Variants in PRICKLE1 observed in about 807,000 individuals in gnomAD.
The protein encoded by PRICKLE1 is prickle planar cell polarity protein 1, also known as prickle-like protein 1.
Under a neutral mutation model 70.2 loss-of-function variants are expected in PRICKLE1, and 14 were observed. That is an observed-to-expected ratio of 0.20 (90% CI 0.13 to 0.31). The LOEUF (loss-of-function observed/expected upper bound fraction) is 0.31, where lower values mean the gene tolerates loss of function less well. Among genes scored for constraint, PRICKLE1 ranks in the 10% least tolerant of loss-of-function variants. The pLI, the probability that PRICKLE1 is intolerant of heterozygous loss-of-function variation, is 1.00. For synonymous variants in PRICKLE1, 357 were observed against 379.9 expected, an observed-to-expected ratio of 0.94 and a Z score of 0.70; for missense variants, 821 against 1,026.2, an observed-to-expected ratio of 0.80 and a Z score of 2.73.
chr12:42,559,484 G>A (rs529876565), intron 1 of PRICKLE1, among the ~76,000 whole-genome samples: 1 of 151,414 alleles, frequency 6.6e-6, no homozygotes, highest in Non-Finnish European at 1.5e-5. Flanking sequence ...GGGCTCAAGC[G>A]ATCCTCCCAC....
At chr12:42,564,319 T>C (rs1940585360) in intron 1 of PRICKLE1, among the ~76,000 whole-genome samples, 1 of 150,188 alleles carries the variant, frequency 6.7e-6, no homozygotes, top group Non-Finnish European at 1.5e-5. Flanking sequence ...TATTGAAATC[T>C]TTCTTGGCCG....
At chr12:42,474,359 CA>C (rs1404909508) in intron 1 of PRICKLE1, among the ~76,000 whole-genome samples, 4 of 152,164 alleles carry the variant, frequency 2.6e-5, no homozygotes, top group Non-Finnish European at 5.9e-5. Context: ...AACATTGTAA[CA>C]GTTCATAAAT....
At chr12:42,485,093 G>A (rs368891759) in intron 1 of PRICKLE1, among the ~76,000 whole-genome samples, 1 of 151,866 alleles carries the variant, frequency 6.6e-6, no homozygotes, top group Non-Finnish European at 1.5e-5. Flanking sequence ...TGCAACCTAT[G>A]TGGTTCTACA....
intron 1 of PRICKLE1, among the ~76,000 whole-genome samples, chr12:42,572,026 A>G (rs575001127): frequency 6.6e-6 from 1 of 152,374 alleles, no homozygotes; most frequent in East Asian, 1.9e-4. Context: ...CAGATTTCAC[A>G]ATACAATTAA....
intron 1 of PRICKLE1, among the ~76,000 whole-genome samples, chr12:42,488,775 T>C (rs559683203): frequency 4.6e-5 from 7 of 152,162 alleles, no homozygotes; most frequent in Non-Finnish European, 7.3e-5. Flanking sequence ...ATTGCAAAAT[T>C]ATTTAGATAC....
chr12:42,469,378 T>C (rs781333304), intron 4 of PRICKLE1, 72 bp downstream of exon 4: 7 of 1,590,490 alleles, frequency 4.4e-6, no homozygotes, highest in Non-Finnish European at 5.2e-6. Context: ...GCTAGTCCAG[T>C]CACCTACCCC....
At chr12:42,585,053 T>C (rs1047394596) in intron 1 of PRICKLE1, among the ~76,000 whole-genome samples, 16 of 150,858 alleles carry the variant, frequency 1.1e-4, no homozygotes, top group Admixed American at 9.2e-4. Flanking sequence ...TTTTCTGAAG[T>C]GTAATCCACT....
At chr12:42,506,241 G>GTTTT (rs774029085) in intron 1 of PRICKLE1, among the ~76,000 whole-genome samples, 2 of 122,184 alleles carry the variant, frequency 1.6e-5, no homozygotes, top group Admixed American at 1.0e-4. Flanking sequence ...AGTAAAAAAT[G>GTTTT]TTCTTTTTTC....
intron 1 of PRICKLE1, among the ~76,000 whole-genome samples, chr12:42,543,885 G>T (rs545215820): frequency 6.6e-6 from 1 of 152,246 alleles, no homozygotes; most frequent in South Asian, 2.1e-4. Context: ...TAACGTAGTT[G>T]ATTAACACAT....
chr12:42,465,985 G>A (rs1593108047), intron 6 of PRICKLE1: 5 of 622,986 alleles, frequency 8.0e-6, no homozygotes, highest in South Asian at 1.9e-5. Flanking sequence ...TTGCAGTAAC[G>A]TCACAGAACA....
rs1166524580 is a variant in PRICKLE1 at position 42,470,253 on chromosome 12, T to A, written c.239A>T (p.Asp80Val). ...KQLLYQLPPH[D>V]NEVRYCQSLS... ...TTCTTCCTGCTATTTTACCTCATTA[T>A]CATGTGGTGGTAACTGGTACAAAAG... The change falls in exon 3 of 8, where the codon GAT (aspartate) becomes GTT (valine). Residue 80 changes from aspartate to valine, a missense_variant. Asp to Val is a radical substitution (Grantham distance 152). Transcript: ENST00000345127. 1 of 1,605,656 alleles carries A rather than the reference T, an allele frequency of 6.2e-7. No homozygotes were observed. Among genetic ancestry groups the A allele is most frequent in the East Asian group, 2.2e-5 (1 of 44,842 alleles).
intron 1 of PRICKLE1, among the ~76,000 whole-genome samples, chr12:42,572,430 C>T (rs1473577550): frequency 2.0e-5 from 3 of 146,468 alleles, no homozygotes; most frequent in Non-Finnish European, 4.5e-5. Flanking sequence ...GAGCAAAACT[C>T]TGTCTTAAAT....
intron 1 of PRICKLE1, among the ~76,000 whole-genome samples, chr12:42,526,281 C>G (rs1293538929): frequency 6.6e-6 from 1 of 151,712 alleles, no homozygotes. Flanking sequence ...AGCTTTACAA[C>G]CTGGTAGGGG....
chr12:42,481,570 T>G (rs1331138464), intron 1 of PRICKLE1, among the ~76,000 whole-genome samples: 1 of 152,228 alleles, frequency 6.6e-6, no homozygotes, highest in Non-Finnish European at 1.5e-5. Flanking sequence ...TAACAGCTTC[T>G]TTGTTAAACT....
At chr12:42,570,946 A>G (rs1940701641) in intron 1 of PRICKLE1, among the ~76,000 whole-genome samples, 1 of 152,260 alleles carries the variant, frequency 6.6e-6, no homozygotes. Flanking sequence ...TAAAGTAACT[A>G]TATTGTATAT....
intron 1 of PRICKLE1, among the ~76,000 whole-genome samples, chr12:42,545,206 G>A (rs1299367679): frequency 3.3e-5 from 5 of 152,092 alleles, no homozygotes; most frequent in Non-Finnish European, 7.4e-5. Flanking sequence ...GTTTCGCCAT[G>A]TTGCCCAGGG....
chr12:42,483,478 AGGCT>A (rs1938881389), intron 1 of PRICKLE1: 1 of 151,724 alleles, frequency 6.6e-6, no homozygotes, highest in Non-Finnish European at 1.5e-5. Context: ...CGTCTGAAGG[AGGCT>A]GGCGGCCCGG....
chr12:42,548,401 A>G (rs970141906), intron 1 of PRICKLE1, among the ~76,000 whole-genome samples: 1 of 152,240 alleles, frequency 6.6e-6, no homozygotes, highest in African/African-American at 2.4e-5. Context: ...TAACACATAT[A>G]TATTTATTAT....
At chr12:42,487,168 A>G (rs924981799) in intron 1 of PRICKLE1, among the ~76,000 whole-genome samples, 1 of 152,254 alleles carries the variant, frequency 6.6e-6, no homozygotes, top group Non-Finnish European at 1.5e-5. Context: ...GTTACTGCTG[A>G]AAGTTTATGC....
Sources: gnomAD v4.1 joint callset for allele counts (sites outside exome capture counted in the v4.1 genomes callset) on GRCh38, gnomAD v4.1.1 for gene constraint, MANE v1.5 for transcripts, NCBI Gene and HGNC (gene_info 2026-07-23, HGNC 2026-07-21) for gene names.